The following TRAPPC12 variants were observed in gnomAD, a reference collection of about 807,000 sequenced individuals.
TRAPPC12 encodes the protein trafficking protein particle complex subunit 12, also known as TPR repeat protein 15.
A neutral mutation model predicts 69.2 loss-of-function variants in TRAPPC12; 61 were observed. The observed-to-expected ratio is 0.88, with a 90% CI of 0.72 to 1.09. TRAPPC12 has a LOEUF of 1.09. Ranked by LOEUF, TRAPPC12 falls within the 50% of genes least tolerant of loss-of-function variation. The pLI is 0.00. For synonymous variants in TRAPPC12, 469 were observed against 438.9 expected (o/e 1.07, Z -0.86); for missense variants, 1,101 against 1,016.4 (o/e 1.08, Z -1.13).
In TRAPPC12 at chr2:3,387,778, C is replaced by CG; in HGVS notation, c.157dup (p.Glu53GlyfsTer22). ...GGATCCGAAGAGAACGAGACCGCAT[C>CG]GGAAGGCTCGAGTCCTCTCGCGGAC... On this transcript the variant is annotated frameshift_variant, in exon 2 of 12. Transcript: ENST00000324266. LOFTEE classifies it high-confidence loss of function. The CG allele has an allele frequency of 6.2e-7, 1 of 1,613,048 alleles. No homozygotes were observed. Among genetic ancestry groups the CG allele is most frequent in the East Asian group, 2.2e-5 (1 of 44,776 alleles).
chr2:3,463,315 C>A (rs367934593), intron 8 of TRAPPC12, among the ~76,000 whole-genome samples: 37 of 152,126 alleles, frequency 2.4e-4, no homozygotes, highest in African/African-American at 8.7e-4. Flanking sequence ...GCAGCCCGGA[C>A]ACACAGACAC....
chr2:3,452,278 A>G (rs1664889317), intron 6 of TRAPPC12, among the ~76,000 whole-genome samples: 1 of 152,116 alleles, frequency 6.6e-6, no homozygotes, highest in African/African-American at 2.4e-5. Context: ...CTCCCTGCAG[A>G]GAGGGAGGGA....
chr2:3,434,647 G>T (rs1469436658), intron 5 of TRAPPC12, among the ~76,000 whole-genome samples: 1 of 152,202 alleles, frequency 6.6e-6, no homozygotes, highest in Non-Finnish European at 1.5e-5. Context: ...CAGCTTTTAG[G>T]TTCCCATTGA....
chr2:3,418,545 C>CA (rs766773839), intron 3 of TRAPPC12, among the ~76,000 whole-genome samples: 2 of 152,190 alleles, frequency 1.3e-5, no homozygotes, highest in Admixed American at 6.5e-5. Context: ...ACTTCCTGGC[C>CA]ATACAGTATC....
At chr2:3,459,092 T>C (rs1201255870) in intron 7 of TRAPPC12, among the ~76,000 whole-genome samples, 2 of 152,234 alleles carry the variant, frequency 1.3e-5, no homozygotes, top group Admixed American at 1.3e-4. Context: ...TAGGTGATTG[T>C]TATCTCACAG....
At chr2:3,423,593 G>A (rs769086462) in intron 4 of TRAPPC12, among the ~76,000 whole-genome samples, 6 of 145,984 alleles carry the variant, frequency 4.1e-5, no homozygotes, top group Admixed American at 6.9e-5. Flanking sequence ...GAGGTCACAC[G>A]GTGTTTGTCT....
intron 5 of TRAPPC12, among the ~76,000 whole-genome samples, chr2:3,436,539 A>G (rs1433404436): frequency 6.6e-6 from 1 of 152,098 alleles, no homozygotes; most frequent in East Asian, 1.9e-4. Flanking sequence ...AAAATTTTGC[A>G]TTAGCGTAGA....
chr2:3,404,860 A>T (rs767348989), intron 3 of TRAPPC12, among the ~76,000 whole-genome samples: 9 of 148,690 alleles, frequency 6.1e-5, no homozygotes, highest in Non-Finnish European at 1.3e-4. Context: ...GAGCTCATAC[A>T]AAAGGATAGA....
intron 9 of TRAPPC12, among the ~76,000 whole-genome samples, chr2:3,468,423 G>T (rs1393890926): frequency 2.8e-5 from 4 of 144,706 alleles, no homozygotes; most frequent in Non-Finnish European, 6.0e-5. Flanking sequence ...CATGGTGTCA[G>T]TCCCCCCATA....
At chr2:3,394,756 C>G (rs988575806) in intron 2 of TRAPPC12, among the ~76,000 whole-genome samples, 6 of 152,178 alleles carry the variant, frequency 3.9e-5, no homozygotes, top group African/African-American at 1.4e-4. Flanking sequence ...TTGCTGATAA[C>G]TGAATTCCCA....
intron 5 of TRAPPC12, among the ~76,000 whole-genome samples, chr2:3,434,978 C>G (rs4971499): frequency 0.64 from 96,728 of 152,058 alleles, 31,166 homozygotes; most frequent in African/African-American, 0.75. Context: ...CCCTCTGTGG[C>G]AACGAGGATG....
At chr2:3,452,708 A>G (rs966774205) in intron 6 of TRAPPC12, among the ~76,000 whole-genome samples, 7 of 152,232 alleles carry the variant, frequency 4.6e-5, no homozygotes, top group Admixed American at 3.9e-4. Context: ...GGACGTTTCA[A>G]AGACCCACTT....
At position 3,425,246 on chromosome 2, in the gene TRAPPC12, T is replaced by C. The variant is rs192500659; in HGVS notation, c.1417+583T>C. 2.0e-3 allele frequency among the ~76,000 whole-genome samples: 301 copies of C among 152,212 alleles called. 3 individuals carry two copies. The highest frequency in any genetic ancestry group is 5.7e-3 in the African/African-American group (236 of 41,528). On this transcript the variant is annotated intron_variant, in intron 5 of 11. Transcript: ENST00000324266. ...GGTTACGGAGAGCCTTCTGCAGCACTGGGAGCCTTGTGCAGTGTGCGTCTC... is the reference window on the plus strand; with the variant it reads ...GGTTACGGAGAGCCTTCTGCAGCACCGGGAGCCTTGTGCAGTGTGCGTCTC...
rs1348371295 is a variant in TRAPPC12 at position 3,421,878 on chromosome 2, C to G, written c.1165-3C>G. On this transcript the variant is annotated splice_polypyrimidine_tract_variant and splice_region_variant and intron_variant, in intron 3 of 11. Coordinates refer to ENST00000324266, the MANE Select transcript of TRAPPC12 (RefSeq NM_016030.6). Reference sequence around the variant, plus strand: ...TGGTCACATGTTCTGCCGTGTCTTGCAGAGCTGCAGAAACTGGAGGGCAGC... The same window carrying G: ...TGGTCACATGTTCTGCCGTGTCTTGGAGAGCTGCAGAAACTGGAGGGCAGC... 6.2e-7 allele frequency: 1 copy of G among 1,612,768 alleles called. No homozygotes were observed. Among genetic ancestry groups the G allele is most frequent in the Admixed American group, 1.7e-5 (1 of 60,016 alleles).
At chr2:3,415,843 A>G (rs1329898709) in intron 3 of TRAPPC12, among the ~76,000 whole-genome samples, 4 of 152,076 alleles carry the variant, frequency 2.6e-5, no homozygotes, top group Non-Finnish European at 4.4e-5. Flanking sequence ...CAGCCTCCCA[A>G]GTAGCTGGGA....
intron 2 of TRAPPC12, chr2:3,389,830 A>G (rs998930789): frequency 2.1e-6 from 1 of 468,704 alleles, no homozygotes; most frequent in African/African-American, 2.0e-5. Flanking sequence ...CTCAGCAGAG[A>G]GGGGAGGCGA....
intron 2 of TRAPPC12, among the ~76,000 whole-genome samples, chr2:3,396,655 G>A (rs139655070): frequency 2.6e-4 from 39 of 151,664 alleles, no homozygotes; most frequent in African/African-American, 8.9e-4. Context: ...TTCTCTCTGT[G>A]GTTAAGTTTA....
intron 6 of TRAPPC12, among the ~76,000 whole-genome samples, chr2:3,450,978 GC>G (rs1664820224): frequency 6.6e-6 from 1 of 152,168 alleles, no homozygotes; most frequent in Non-Finnish European, 1.5e-5. Flanking sequence ...CAGTGACCCA[GC>G]CAGAAAACCT....
At chr2:3,439,316 CAG>C (rs1664064651) in intron 5 of TRAPPC12, among the ~76,000 whole-genome samples, 1 of 152,106 alleles carries the variant, frequency 6.6e-6, no homozygotes, top group African/African-American at 2.4e-5. Flanking sequence ...TTTTTGGAGA[CAG>C]AGTCTCACTT....
Sources: allele counts gnomAD v4.1 joint callset (sites outside exome capture counted in the v4.1 genomes callset), GRCh38; gene constraint gnomAD v4.1.1; transcripts MANE v1.5; gene names NCBI Gene and HGNC (gene_info 2026-07-23, HGNC 2026-07-21).